Variants in SLC22A3 observed in about 807,000 individuals in gnomAD.
SLC22A3 encodes EMT organic cation transporter 3.
Under a neutral mutation model 59.1 loss-of-function variants are expected in SLC22A3, and 51 were observed. That is an observed-to-expected ratio of 0.86 (90% CI 0.69 to 1.09). The LOEUF is 1.09. Ranked by LOEUF, SLC22A3 falls within the 50% of genes least tolerant of loss-of-function variation. SLC22A3 has a pLI of 0.00. For synonymous variants in SLC22A3, 325 were observed against 292.0 expected (o/e 1.11, Z -1.15); for missense variants, 711 against 726.3 (o/e 0.98, Z 0.24).
At chr6:160,419,257 C>A (rs925217994) in intron 5 of SLC22A3, among the ~76,000 whole-genome samples, 2 of 152,150 alleles carry the variant, frequency 1.3e-5, no homozygotes, top group African/African-American at 4.8e-5. Flanking sequence ...ACACAAACAC[C>A]AATATTGCTA....
At chr6:160,438,749 C>T (rs1788440180) in intron 7 of SLC22A3, among the ~76,000 whole-genome samples, 1 of 152,092 alleles carries the variant, frequency 6.6e-6, no homozygotes, top group Non-Finnish European at 1.5e-5. Context: ...CACAAACTCA[C>T]CGGCTTGAAA....
chr6:160,368,723 G>A (rs146054082), intron 1 of SLC22A3, among the ~76,000 whole-genome samples: 6 of 152,054 alleles, frequency 3.9e-5, no homozygotes, highest in African/African-American at 1.4e-4. Flanking sequence ...CTCACCCCTG[G>A]TCTTATGTAT....
intron 5 of SLC22A3, among the ~76,000 whole-genome samples, chr6:160,423,311 T>G (rs561409338): frequency 6.6e-6 from 1 of 152,352 alleles, no homozygotes; most frequent in South Asian, 2.1e-4. Flanking sequence ...TGTGCCTTTA[T>G]AGCAGCATGA....
intron 9 of SLC22A3, 55 bp from the exon 10 acceptor site, chr6:160,447,664 G>C: frequency 6.7e-7 from 1 of 1,484,344 alleles, no homozygotes. Flanking sequence ...GGCCCCATGG[G>C]AGAGGGCCCA....
chr6:160,414,426 C>T (rs1787385742), intron 5 of SLC22A3, among the ~76,000 whole-genome samples: 1 of 152,186 alleles, frequency 6.6e-6, no homozygotes, highest in Admixed American at 6.5e-5. Flanking sequence ...TGGCTCCCTA[C>T]ATCCTCCCAA....
Position 160,388,260 on chromosome 6 carries a change from T to C in SLC22A3, c.430-9719T>C, listed in dbSNP as rs77110696. ...CCTGCAGTCATATTCTTTGGCTTCC[T>C]AGAAGGTGACCAGCAATACATGTCA... On this transcript the variant is annotated intron_variant, in intron 1 of 10. Transcript: ENST00000275300. 3.3e-4 allele frequency among the ~76,000 whole-genome samples: 50 copies of C among 152,294 alleles called. 1 individual carries two copies. The East Asian group carries it at 8.9e-3, about 27-fold the overall frequency.
intron 5 of SLC22A3, among the ~76,000 whole-genome samples, chr6:160,424,398 A>C (rs559306721): frequency 6.6e-6 from 1 of 152,372 alleles, no homozygotes; most frequent in African/African-American, 2.4e-5. Flanking sequence ...TGAAGAGCAC[A>C]ATTCCTGTCA....
chr6:160,425,493 A>G (rs558531032), intron 5 of SLC22A3, among the ~76,000 whole-genome samples: 2 of 152,016 alleles, frequency 1.3e-5, no homozygotes, highest in South Asian at 4.2e-4. Flanking sequence ...ATTTTCTCTA[A>G]TCCTCTATAA....
intron 5 of SLC22A3, among the ~76,000 whole-genome samples, chr6:160,436,536 C>T (rs1346950323): frequency 1.3e-5 from 2 of 152,148 alleles, no homozygotes; most frequent in Admixed American, 6.5e-5. Flanking sequence ...ACATACAGAG[C>T]AGTTTAACAT....
At position 160,398,047 on chromosome 6, in the gene SLC22A3, G is replaced by T; in HGVS notation, c.498G>T (p.Leu166=). 6.2e-7 allele frequency: 1 copy of T among 1,613,810 alleles called. No homozygotes were observed. Among genetic ancestry groups the T allele is most frequent in the South Asian group, 1.1e-5 (1 of 91,048 alleles). ...LTQAILNLGF[L]TGAFTLGYAA... is the part of the protein sequence containing the mutation. Reference sequence around the variant, plus strand: ...AAGCCATCCTGAACCTCGGCTTCCTGACTGGAGCATTCACCTTAGGCTATG... The same window carrying T: ...AAGCCATCCTGAACCTCGGCTTCCTTACTGGAGCATTCACCTTAGGCTATG... Residue 166 remains leucine (L), a synonymous_variant, in exon 2 of 11, where the codon CTG becomes CTT. Coordinates refer to ENST00000275300, the MANE Select transcript of SLC22A3 (RefSeq NM_021977.4).
intron 8 of SLC22A3, among the ~76,000 whole-genome samples, chr6:160,443,278 G>T (rs1328539115): frequency 6.6e-6 from 1 of 152,200 alleles, no homozygotes; most frequent in African/African-American, 2.4e-5. Flanking sequence ...ATGAAACAGT[G>T]TGCACGGATT....
intron 1 of SLC22A3, among the ~76,000 whole-genome samples, chr6:160,393,971 A>T (rs1329570669): frequency 6.6e-6 from 1 of 152,252 alleles, no homozygotes; most frequent in Middle Eastern, 3.2e-3. Context: ...TTATCCTTAC[A>T]TTACACCAAC....
intron 1 of SLC22A3, among the ~76,000 whole-genome samples, chr6:160,352,770 GTAAC>G (rs1784702502): frequency 6.6e-6 from 1 of 152,184 alleles, no homozygotes; most frequent in Middle Eastern, 3.2e-3. Flanking sequence ...GTCCCTCAGA[GTAAC>G]TAGTCCTTTC....
chr6:160,385,337 A>G (rs1205113320), intron 1 of SLC22A3, among the ~76,000 whole-genome samples: 2 of 152,162 alleles, frequency 1.3e-5, no homozygotes, highest in African/African-American at 2.4e-5. Flanking sequence ...GCGTTCTGTC[A>G]TGGGAGACAC....
chr6:160,436,900 TTAAAAGC>T (rs1212675630), intron 6 of SLC22A3, 23 bp downstream of exon 6: 17 of 1,611,972 alleles, frequency 1.1e-5, no homozygotes, highest in Non-Finnish European at 1.4e-5. Context: ...TGTGATGGAT[TTAAAAGC>T]TTGCGTTAAA....
rs574355243 is a variant in SLC22A3 at position 160,384,591 on chromosome 6, G to A, written c.430-13388G>A. ...GGGGAGCCAGTGGGGCTGAACACAA[G>A]AGAATCGTGCAAGCTTTAAGAGGAG... On this transcript the variant is annotated intron_variant, in intron 1 of 10. Transcript: ENST00000275300. Among the ~76,000 whole-genome samples, 84 of 152,222 alleles carry A rather than the reference G, an allele frequency of 5.5e-4. 1 individual carries two copies. Among genetic ancestry groups the A allele is most frequent in the African/African-American group, 2.0e-3 (83 of 41,548 alleles).
intron 2 of SLC22A3, among the ~76,000 whole-genome samples, chr6:160,401,864 A>T (rs904568474): frequency 5.9e-5 from 9 of 151,914 alleles, no homozygotes; most frequent in South Asian, 4.1e-4. Context: ...GATTTTTTTT[A>T]AAAAAGCATG....
At chr6:160,443,417 C>T (rs1788623178) in intron 8 of SLC22A3, among the ~76,000 whole-genome samples, 1 of 152,230 alleles carries the variant, frequency 6.6e-6, no homozygotes, top group Non-Finnish European at 1.5e-5. Flanking sequence ...ATAACACCCT[C>T]CACCCACGCT....
At chr6:160,405,591 T>C (rs1786981809) in intron 2 of SLC22A3, among the ~76,000 whole-genome samples, 1 of 152,114 alleles carries the variant, frequency 6.6e-6, no homozygotes, top group South Asian at 2.1e-4. Flanking sequence ...CCCAAAAAAG[T>C]TGAAAACTCA....
Sources: allele counts gnomAD v4.1 joint callset (sites outside exome capture counted in the v4.1 genomes callset), GRCh38; gene constraint gnomAD v4.1.1; transcripts MANE v1.5; gene names NCBI Gene and HGNC (gene_info 2026-07-23, HGNC 2026-07-21).